Variants in CRPPA observed in about 807,000 individuals in gnomAD.
CRPPA encodes CDP-L-ribitol pyrophosphorylase A, also known as D-ribitol-5-phosphate cytidylyltransferase.
A neutral mutation model predicts 52.0 loss-of-function variants in CRPPA; 43 were observed. The ratio of observed to expected loss-of-function variants is 0.83; its 90% CI spans 0.65 to 1.07. The LOEUF is 1.07. Among genes scored for constraint, CRPPA ranks in the 50% least tolerant of loss-of-function variants. CRPPA has a pLI of 0.00. For synonymous variants in CRPPA, 250 were observed against 203.5 expected (o/e 1.23, Z -1.94); for missense variants, 629 against 551.7 (o/e 1.14, Z -1.40).
chr7:16,213,442 A>T (rs1782205812), intron 9 of CRPPA, among the ~76,000 whole-genome samples: 2 of 151,644 alleles, frequency 1.3e-5, no homozygotes, highest in Admixed American at 6.6e-5. Flanking sequence ...TCTTTTACAA[A>T]TTTTTTTTTA....
At chr7:16,289,288 T>C (rs952597887) in intron 5 of CRPPA, among the ~76,000 whole-genome samples, 1 of 152,144 alleles carries the variant, frequency 6.6e-6, no homozygotes, top group Admixed American at 6.6e-5. Context: ...CAAGAAGAAC[T>C]GATACTAATC....
intron 9 of CRPPA, among the ~76,000 whole-genome samples, chr7:16,193,890 CTT>C (rs1438326734): frequency 1.3e-5 from 2 of 152,086 alleles, no homozygotes; most frequent in Non-Finnish European, 1.5e-5. Flanking sequence ...TCCCTCAACT[CTT>C]AAGGAATCCA....
At chr7:16,305,211 A>G (rs1784881862) in intron 4 of CRPPA, among the ~76,000 whole-genome samples, 1 of 152,218 alleles carries the variant, frequency 6.6e-6, no homozygotes, top group African/African-American at 2.4e-5. Context: ...CAAAGATGAG[A>G]CAAGAGGCAG....
intron 3 of CRPPA, among the ~76,000 whole-genome samples, chr7:16,353,217 G>A (rs1786203390): frequency 6.6e-6 from 1 of 152,060 alleles, no homozygotes; most frequent in East Asian, 1.9e-4. Flanking sequence ...AGCCAGGCAT[G>A]GTGGCACTGC....
At chr7:16,391,421 C>T (rs1236353491) in intron 2 of CRPPA, among the ~76,000 whole-genome samples, 1 of 152,106 alleles carries the variant, frequency 6.6e-6, no homozygotes, top group Non-Finnish European at 1.5e-5. Flanking sequence ...CAGTAGCCTC[C>T]CAATTGGTAT....
chr7:16,418,690 T>G (rs1031737274), intron 1 of CRPPA, among the ~76,000 whole-genome samples: 1 of 151,982 alleles, frequency 6.6e-6, no homozygotes, highest in East Asian at 1.9e-4. Flanking sequence ...GGGGAAACAA[T>G]CCCCATGATT....
chr7:16,367,894 G>T (rs1317957807), intron 3 of CRPPA, among the ~76,000 whole-genome samples: 3 of 152,230 alleles, frequency 2.0e-5, no homozygotes, highest in Admixed American at 2.0e-4. Flanking sequence ...CCATCGTCAA[G>T]TCTAAGAAAT....
intron 5 of CRPPA, among the ~76,000 whole-genome samples, chr7:16,290,694 G>A (rs1259657655): frequency 6.6e-6 from 1 of 151,962 alleles, no homozygotes; most frequent in Admixed American, 6.6e-5. Flanking sequence ...GAAAATAACT[G>A]GAAGAAAGCA....
intron 4 of CRPPA, among the ~76,000 whole-genome samples, chr7:16,304,838 T>A (rs776188748): frequency 5.3e-5 from 8 of 152,158 alleles, no homozygotes; most frequent in Non-Finnish European, 1.2e-4. Context: ...TGTTTCAGGA[T>A]CTTCCTTCGC....
In CRPPA at chr7:16,414,264, G is replaced by T. The variant is rs971960975; in HGVS notation, c.257+6802C>A. ...TCACCAAGTCTGAATAAGCATGGCC[G>T]AAGTTTGCCTTTCTTAATCCCTTTT... On this transcript the variant is annotated intron_variant, in intron 1 of 9. Transcript: ENST00000407010. Among the ~76,000 whole-genome samples the T allele has an allele frequency of 5.3e-4, 81 of 151,818 alleles. 1 individual carries two copies. Among genetic ancestry groups the T allele is most frequent in the African/African-American group, 1.9e-3 (78 of 41,416 alleles).
At chr7:16,259,713 G>C (rs1190344180) in intron 6 of CRPPA, among the ~76,000 whole-genome samples, 1 of 151,868 alleles carries the variant, frequency 6.6e-6, no homozygotes, top group Non-Finnish European at 1.5e-5. Flanking sequence ...AGGGATCTGT[G>C]ATATCTTTGC....
intron 8 of CRPPA, among the ~76,000 whole-genome samples, chr7:16,256,228 T>C (rs535108840): frequency 3.2e-4 from 49 of 152,230 alleles, no homozygotes; most frequent in African/African-American, 1.2e-3. Flanking sequence ...AAAACCACAA[T>C]GAGATACCAT....
chr7:16,097,929 T>C (rs1051106754), intron 9 of CRPPA, among the ~76,000 whole-genome samples: 3 of 152,218 alleles, frequency 2.0e-5, no homozygotes, highest in Non-Finnish European at 2.9e-5. Flanking sequence ...ATGATGCCCA[T>C]GTCCTCAAAA....
At chr7:16,419,488 G>A (rs1019438230) in intron 1 of CRPPA, among the ~76,000 whole-genome samples, 1 of 152,048 alleles carries the variant, frequency 6.6e-6, no homozygotes, top group Non-Finnish European at 1.5e-5. Flanking sequence ...GCCTTCACAG[G>A]ACTAACAAAT....
At chr7:16,289,699 T>C (rs1029593160) in intron 5 of CRPPA, among the ~76,000 whole-genome samples, 9 of 152,098 alleles carry the variant, frequency 5.9e-5, no homozygotes, top group Non-Finnish European at 1.3e-4. Flanking sequence ...AAAAGCTATA[T>C]GTGATAAACC....
At position 16,308,599 on chromosome 7, in the gene CRPPA, G is replaced by C. The variant is rs397515409; in HGVS notation, c.713C>G (p.Thr238Ser). The part of the protein sequence containing the change: ...QCSDYDLEFG[T>S]ECLQLALKYC... ...TTTTAGGGCCAATTGCAAACACTCAGTTCCAAATTCCAAGTCATAGTCACT... is the reference window on the plus strand; with the variant it reads ...TTTTAGGGCCAATTGCAAACACTCACTTCCAAATTCCAAGTCATAGTCACT... Residue 238 changes from threonine to serine, a missense_variant, in exon 4 of 10, where the codon ACT (threonine) becomes AGT (serine). Coordinates refer to ENST00000407010, the MANE Select transcript of CRPPA (RefSeq NM_001101426.4). The C allele has an allele frequency of 1.2e-5, 19 of 1,609,408 alleles. 1 individual carries two copies. The highest frequency in any genetic ancestry group is 3.3e-4 in the Middle Eastern group (2 of 6,080).
In CRPPA at chr7:16,116,660, A is replaced by G. The variant is rs375708010; in HGVS notation, c.1252-24861T>C. On this transcript the variant is annotated intron_variant, in intron 9 of 9. Transcript: ENST00000407010. ...TGGGCAATACAGCGAGACTCGGTCGAAAAAAAAAAAAAAAAGGAAAGGAAA... is the reference window on the plus strand; with the variant it reads ...TGGGCAATACAGCGAGACTCGGTCGGAAAAAAAAAAAAAAAGGAAAGGAAA... 6.0e-3 allele frequency among the ~76,000 whole-genome samples: 408 copies of G among 68,304 alleles called. 3 individuals carry two copies. Among genetic ancestry groups the G allele is most frequent in the African/African-American group, 0.03 (382 of 12,532 alleles). 44.8% of individuals were successfully genotyped at this position (68,304 alleles called of 152,430 possible).
chr7:16,379,879 G>T (rs903716978), intron 2 of CRPPA, among the ~76,000 whole-genome samples: 1 of 152,132 alleles, frequency 6.6e-6, no homozygotes, highest in Non-Finnish European at 1.5e-5. Flanking sequence ...TCACCTTAAG[G>T]AGATTTTGGG....
chr7:16,269,041 T>C (rs932878411), intron 6 of CRPPA: 2 of 152,218 alleles, frequency 1.3e-5, no homozygotes, highest in Non-Finnish European at 2.9e-5. Context: ...CGATGATTGA[T>C]GGATGGCCCA....
Sources: allele counts gnomAD v4.1 joint callset (sites outside exome capture counted in the v4.1 genomes callset), GRCh38; gene constraint gnomAD v4.1.1; transcripts MANE v1.5; gene names NCBI Gene and HGNC (gene_info 2026-07-23, HGNC 2026-07-21).